ADCY9: variants seen among roughly 807,000 people sequenced by gnomAD.
ADCY9 encodes adenylate cyclase type 9.
Under a neutral mutation model 101.5 loss-of-function variants are expected in ADCY9, and 50 were observed. That is an observed-to-expected ratio of 0.49 (90% CI 0.39 to 0.62). ADCY9 has a LOEUF of 0.62. ADCY9 is among the 20% of genes least tolerant of loss of function. ADCY9 has a pLI of 0.00. For missense variants in ADCY9, 1,662 were observed against 1,800.4 expected (o/e 0.92, Z 1.39); for synonymous variants, 905 against 769.3 (o/e 1.18, Z -2.92).
chr16:4,108,359 C>CTTTTTTTT (rs1491172269), intron 2 of ADCY9, among the ~76,000 whole-genome samples: 18 of 53,508 alleles, frequency 3.4e-4, no homozygotes, highest in Non-Finnish European at 5.4e-4. Flanking sequence ...ACCGTTTCTT[C>CTTTTTTTT]ATTTTTTTTT....
intron 2 of ADCY9, among the ~76,000 whole-genome samples, chr16:4,043,949 TG>T (rs2056644824): frequency 6.6e-6 from 1 of 152,222 alleles, no homozygotes; most frequent in African/African-American, 2.4e-5. Flanking sequence ...CCTTTTTTGT[TG>T]TTTTTTTATT....
At chr16:4,040,518 G>T (rs554422596) in intron 2 of ADCY9, among the ~76,000 whole-genome samples, 1 of 150,388 alleles carries the variant, frequency 6.6e-6, no homozygotes, top group Admixed American at 6.6e-5. Context: ...GTGCAGTGGC[G>T]CAATCTCGGC....
At chr16:4,057,451 C>T (rs540790090) in intron 2 of ADCY9, among the ~76,000 whole-genome samples, 85 of 152,310 alleles carry the variant, frequency 5.6e-4, no homozygotes, top group African/African-American at 1.9e-3. Flanking sequence ...ACTCCGCACC[C>T]GGCTGCAGTG....
chr16:4,041,811 G>C (rs937232108), intron 2 of ADCY9, among the ~76,000 whole-genome samples: 9 of 150,332 alleles, frequency 6.0e-5, no homozygotes, highest in Non-Finnish European at 1.3e-4. Context: ...GAGTACGGTG[G>C]AGTAATCACA....
intron 10 of ADCY9, among the ~76,000 whole-genome samples, chr16:3,969,238 C>T (rs1264661989): frequency 6.6e-6 from 1 of 151,878 alleles, no homozygotes; most frequent in East Asian, 1.9e-4. Flanking sequence ...AGCACAATTT[C>T]TTTTTTTCTT....
At chr16:3,982,267 C>A (rs1013298017) in intron 7 of ADCY9, 1 of 152,468 alleles carries the variant, frequency 6.6e-6, no homozygotes, top group African/African-American at 2.4e-5. Flanking sequence ...AGCATTCCGG[C>A]GCCTCACGCC....
At chr16:3,996,426 G>A (rs1212044819) in intron 3 of ADCY9, among the ~76,000 whole-genome samples, 3 of 152,124 alleles carry the variant, frequency 2.0e-5, no homozygotes, top group Non-Finnish European at 4.4e-5. Context: ...CTTATTAAAT[G>A]TAAAAAAATC....
At chr16:4,047,260 T>A (rs919422869) in intron 2 of ADCY9, among the ~76,000 whole-genome samples, 16 of 152,042 alleles carry the variant, frequency 1.1e-4, no homozygotes, top group African/African-American at 3.9e-4. Flanking sequence ...TTGGACACCC[T>A]TCTCCTTTTT....
At chr16:4,016,880 T>G (rs1421605081) in intron 2 of ADCY9, among the ~76,000 whole-genome samples, 1 of 152,102 alleles carries the variant, frequency 6.6e-6, no homozygotes, top group Non-Finnish European at 1.5e-5. Context: ...GTGACGAAAA[T>G]GTAAAATTAG....
At chr16:4,013,335 C>T (rs1181167742) in intron 2 of ADCY9, among the ~76,000 whole-genome samples, 1 of 151,946 alleles carries the variant, frequency 6.6e-6, no homozygotes, top group Non-Finnish European at 1.5e-5. Context: ...GCAGGAGAAT[C>T]GCTTAAACTT....
At chr16:4,111,943 T>C (rs2057116618) in intron 2 of ADCY9, among the ~76,000 whole-genome samples, 1 of 152,062 alleles carries the variant, frequency 6.6e-6, no homozygotes, top group African/African-American at 2.4e-5. Context: ...TTCAATGACT[T>C]GGCAATTTCC....
At chr16:4,025,514 C>T (rs757454521) in intron 2 of ADCY9, among the ~76,000 whole-genome samples, 2 of 152,148 alleles carry the variant, frequency 1.3e-5, no homozygotes, top group Non-Finnish European at 2.9e-5. Context: ...GTTTGGGCGG[C>T]GAAGAGCACA....
chr16:3,966,082 G>T lies in ADCY9; in HGVS notation c.3755C>A (p.Pro1252Gln), dbSNP rs780077845. ...TGGGGAGATGGACAGCTGGTGCTGT[G>T]GGATGACCCTGTGATCCGTGCACTT... ...YPKCTDHRVI[P>Q]QHQLSISPDI... Residue 1252 changes from proline (P) to glutamine (Q), a missense_variant, in exon 11 of 11, where the codon CCA (proline) becomes CAA (glutamine). By Grantham distance (76) the Pro-to-Gln change is moderately conservative. Around this residue, in one of 5 missense-constraint regions of ADCY9, gnomAD observed 168 missense variants for 155.3 expected, o/e 1.08. Transcript: ENST00000294016. The T allele has an allele frequency of 6.8e-6, 11 of 1,614,220 alleles. No individual in the cohort carries two copies. The highest frequency in any genetic ancestry group is 6.8e-6 in the Non-Finnish European group (8 of 1,180,046).
At chr16:4,092,178 G>A (rs985677577) in intron 2 of ADCY9, among the ~76,000 whole-genome samples, 2 of 152,208 alleles carry the variant, frequency 1.3e-5, no homozygotes, top group East Asian at 1.9e-4. Context: ...GCTGAGGCAC[G>A]AGAATTGCCT....
At position 4,114,194 on chromosome 16, in the gene ADCY9, C is replaced by A; in HGVS notation, c.1249G>T (p.Gly417Cys). 1 of 1,613,946 alleles carries A rather than the reference C, an allele frequency of 6.2e-7. No individual in the cohort carries two copies. The highest frequency in any genetic ancestry group is 8.5e-7 in the Non-Finnish European group (1 of 1,180,028). The change falls in exon 2 of 11, where the codon GGT (glycine) becomes TGT (cysteine). Residue 417 changes from glycine (G) to cysteine (C), a missense_variant. Coordinates refer to ENST00000294016, the MANE Select transcript of ADCY9 (RefSeq NM_001116.4). The surrounding 1 kb of genome is among the most constrained non-coding windows in gnomAD (Gnocchi z 4.3). The stretch of plus-strand genomic sequence containing the variant: ...CGACCGAACAGATCGTTCAGGAGAC[C>A]CACCAGGGCGTGGGCAGACTTGTTG... The part of the protein sequence containing the change: ...SANKSAHALV[G>C]LLNDLFGRFD...
chr16:4,100,016 T>C (rs1316545561), intron 2 of ADCY9, among the ~76,000 whole-genome samples: 2 of 152,116 alleles, frequency 1.3e-5, no homozygotes, highest in Admixed American at 6.5e-5. Context: ...CCAAATCTCA[T>C]CTTGAATTGT....
intron 2 of ADCY9, among the ~76,000 whole-genome samples, chr16:4,017,869 C>T (rs753211661): frequency 2.0e-5 from 3 of 152,186 alleles, no homozygotes; most frequent in African/African-American, 4.8e-5. Flanking sequence ...CTAAAAACGC[C>T]GGGCCGACAC....
At chr16:3,977,389 T>G in intron 9 of ADCY9, 93 bp downstream of exon 9, 10 of 1,460,712 alleles carry the variant, frequency 6.8e-6, no homozygotes, top group African/African-American at 1.4e-5. Context: ...TATCGGGGCG[T>G]GAGAAGCAAT....
chr16:4,056,535 T>C (rs1208481339), intron 2 of ADCY9, among the ~76,000 whole-genome samples: 1 of 152,208 alleles, frequency 6.6e-6, no homozygotes, highest in Non-Finnish European at 1.5e-5. Flanking sequence ...ATTACAGCCG[T>C]GAGCCACCAC....
Sources: gnomAD v4.1 joint callset for allele counts (sites outside exome capture counted in the v4.1 genomes callset) on GRCh38, gnomAD v4.1.1 for gene constraint, gnomAD v4.1.1 regional missense constraint, Gnocchi (gnomAD v3.1) non-coding constraint, MANE v1.5 for transcripts, NCBI Gene and HGNC (gene_info 2026-07-23, HGNC 2026-07-21) for gene names.